NFYC: variants seen among roughly 807,000 people sequenced by gnomAD.
NFYC encodes nuclear transcription factor Y subunit gamma.
Under a neutral mutation model 53.1 loss-of-function variants are expected in NFYC, and 25 were observed. The ratio of observed to expected loss-of-function variants is 0.47; its 90% confidence interval spans 0.34 to 0.66. The LOEUF (loss-of-function observed/expected upper bound fraction) is 0.66. NFYC is among the 30% of genes least tolerant of loss of function. The pLI is 0.01. For missense variants in NFYC, 260 were observed against 422.7 expected (o/e 0.62, Z 3.38); for synonymous variants, 145 against 152.6 (o/e 0.95, Z 0.37).
At chr1:40,735,780 T>G in intron 1 of NFYC, 1 of 982,144 alleles carries the variant, frequency 1.0e-6, no homozygotes, top group Non-Finnish European at 1.2e-6. Context: ...TTTTGATAAT[T>G]ATTATTATTT....
chr1:40,709,786 T>C (rs1643876228), intron 1 of NFYC, among the ~76,000 whole-genome samples: 1 of 152,200 alleles, frequency 6.6e-6, no homozygotes, highest in South Asian at 2.1e-4. Context: ...CAACTAGGAT[T>C]TCTTTCCTAG....
At chr1:40,721,052 A>G (rs550577092) in intron 1 of NFYC, among the ~76,000 whole-genome samples, 1 of 152,288 alleles carries the variant, frequency 6.6e-6, no homozygotes, top group Admixed American at 6.5e-5. Context: ...TTAAAAAATA[A>G]TATGCCCCCT....
chr1:40,705,538 C>T, intron 1 of NFYC, among the ~76,000 whole-genome samples: 1 of 152,134 alleles, frequency 6.6e-6, no homozygotes, highest in East Asian at 1.9e-4. Flanking sequence ...GTCTCACAAC[C>T]CCTTCAAATT....
chr1:40,753,297 A>G (rs1646018083), intron 5 of NFYC, 51 bp downstream of exon 5: 1 of 1,268,464 alleles, frequency 7.9e-7, no homozygotes, highest in Non-Finnish European at 1.2e-6. Flanking sequence ...CGCTTTGTAT[A>G]CTGGTGTCAG....
chr1:40,733,341 T>G (rs1368395403), intron 1 of NFYC, among the ~76,000 whole-genome samples: 2 of 150,982 alleles, frequency 1.3e-5, no homozygotes, highest in African/African-American at 2.4e-5. Flanking sequence ...CGTGGAGAGA[T>G]AGTAATTGAG....
Position 40,763,021 on chromosome 1 carries a change from A to C in NFYC, c.695A>C (p.Asn232Thr). The C allele has an allele frequency of 6.2e-7, 1 of 1,606,598 alleles. No individual in the cohort carries two copies. The highest frequency in any genetic ancestry group is 8.5e-7 in the Non-Finnish European group (1 of 1,175,616). Residue 232 changes from asparagine (N) to threonine (T), a missense_variant, in exon 7 of 10, where the codon AAC becomes ACC. Transcript: ENST00000447388. Reference sequence around the variant, plus strand: ...CAGGTGATGCAGCAGATCATCACTAACACAGGAGAGATCCAGCAGATCCCG... The same window carrying C: ...CAGGTGATGCAGCAGATCATCACTACCACAGGAGAGATCCAGCAGATCCCG... ...TMQVMQQIIT[N>T]TGEIQQIPVQ...
At chr1:40,731,439 T>TGC (rs35376635) in intron 1 of NFYC, among the ~76,000 whole-genome samples, 132,863 of 151,476 alleles carry the variant, frequency 0.88, 58,382 homozygotes, top group East Asian at 0.98. Context: ...CCTCCCAAAG[T>TGC]TGGGGTTACA....
chr1:40,748,451 C>G (rs75552390), intron 3 of NFYC, among the ~76,000 whole-genome samples: 226 of 152,264 alleles, frequency 1.5e-3, no homozygotes, highest in African/African-American at 5.4e-3. Flanking sequence ...TCTCACAGTT[C>G]TGTTCACAGT....
intron 6 of NFYC, among the ~76,000 whole-genome samples, chr1:40,759,770 C>A (rs538694524): frequency 6.6e-6 from 1 of 152,048 alleles, no homozygotes; most frequent in African/African-American, 2.4e-5. Flanking sequence ...CAGTAGAGGG[C>A]ACAGCACAGG....
intron 2 of NFYC, among the ~76,000 whole-genome samples, chr1:40,741,793 A>AGG (rs1369188403): frequency 1.3e-5 from 2 of 151,952 alleles, no homozygotes; most frequent in Non-Finnish European, 2.9e-5. Context: ...CTGTAGAGGC[A>AGG]GGGTCCCACC....
In NFYC at chr1:40,696,086, C is replaced by T. The variant is rs948163443; in HGVS notation, c.-9+4219C>T. On this transcript the variant is annotated intron_variant, in intron 1 of 9. Transcript: ENST00000447388. ...TTCCCCAGACTGGAGTGCAATGGCG[C>T]GATCTTGGCTCACTGCAACCTCTGC... is the stretch of plus-strand genomic sequence containing the variant. Among the ~76,000 whole-genome samples, 7 of 147,990 alleles carry T rather than the reference C, an allele frequency of 4.7e-5. No individual in the cohort carries two copies. In the South Asian group the frequency reaches 8.5e-4, roughly 18 times the overall value.
chr1:40,746,842 C>A (rs777114096), intron 2 of NFYC, among the ~76,000 whole-genome samples: 8 of 152,182 alleles, frequency 5.3e-5, no homozygotes, highest in African/African-American at 7.2e-5. Flanking sequence ...GGTCCTCCCC[C>A]ACTCCAGGCT....
At chr1:40,711,533 C>T (rs1033439789) in intron 1 of NFYC, among the ~76,000 whole-genome samples, 2 of 152,160 alleles carry the variant, frequency 1.3e-5, no homozygotes, top group Non-Finnish European at 2.9e-5. Flanking sequence ...GATTTGGCTT[C>T]TTGGAAAGAT....
intron 7 of NFYC, among the ~76,000 whole-genome samples, chr1:40,765,513 G>C (rs1425445391): frequency 6.6e-6 from 1 of 152,224 alleles, no homozygotes; most frequent in African/African-American, 2.4e-5. Context: ...GTTAGCTCTT[G>C]AAGGCCAGAG....
chr1:40,696,009 C>T (rs962507439), intron 1 of NFYC, among the ~76,000 whole-genome samples: 4 of 148,666 alleles, frequency 2.7e-5, no homozygotes, highest in East Asian at 2.0e-4. Context: ...GATTCAGACA[C>T]GGATTTGTAA....
At chr1:40,747,709 A>C in intron 3 of NFYC, 104 bp downstream of exon 3, 1 of 748,256 alleles carries the variant, frequency 1.3e-6, no homozygotes, top group Non-Finnish European at 2.2e-6. Context: ...AGAACACACA[A>C]AAATTACTGT....
chr1:40,705,435 C>A (rs1289527811), intron 1 of NFYC, among the ~76,000 whole-genome samples: 1 of 152,204 alleles, frequency 6.6e-6, no homozygotes, highest in African/African-American at 2.4e-5. Flanking sequence ...TATTCAGAAT[C>A]TGTAATCTAA....
At chr1:40,728,798 G>A (rs956536994) in intron 1 of NFYC, among the ~76,000 whole-genome samples, 8 of 151,752 alleles carry the variant, frequency 5.3e-5, no homozygotes, top group African/African-American at 1.2e-4. Flanking sequence ...CCACCACGCC[G>A]AGCTAATTTT....
chr1:40,760,628 G>A (rs1557912063), intron 6 of NFYC, among the ~76,000 whole-genome samples: 3 of 151,938 alleles, frequency 2.0e-5, no homozygotes, highest in Non-Finnish European at 4.4e-5. Flanking sequence ...GCTGAGGCAG[G>A]AGAATCTCTT....
Sources: gnomAD v4.1 joint callset for allele counts (sites outside exome capture counted in the v4.1 genomes callset) on GRCh38, gnomAD v4.1.1 for gene constraint, MANE v1.5 for transcripts, NCBI Gene and HGNC (gene_info 2026-07-23, HGNC 2026-07-21) for gene names.